Variants in GABRB1 observed in about 807,000 individuals in gnomAD.
GABRB1 encodes the protein gamma-aminobutyric acid receptor subunit beta-1.
In GABRB1, 17 loss-of-function variants were observed where a neutral mutation model predicts 51.6. The observed-to-expected ratio is 0.33, with a 90% CI of 0.23 to 0.49. The LOEUF (loss-of-function observed/expected upper bound fraction) is 0.49, where lower values mean the gene tolerates loss of function less well. GABRB1 is among the 20% of genes least tolerant of loss of function. The pLI, the probability that GABRB1 is intolerant of heterozygous loss-of-function variation, is 0.99. For missense variants in GABRB1, 410 were observed against 600.6 expected (o/e 0.68, Z 3.32); for synonymous variants, 247 against 218.9 (o/e 1.13, Z -1.14).
chr4:47,348,443 C>T (rs986205084), intron 5 of GABRB1, among the ~76,000 whole-genome samples: 1 of 152,042 alleles, frequency 6.6e-6, no homozygotes, highest in Non-Finnish European at 1.5e-5. Flanking sequence ...GTTTTATGCA[C>T]AAAATGATTT....
chr4:47,019,625 C>CTCTCTTTCTT (rs1274221477), intron 1 of GABRB1, among the ~76,000 whole-genome samples: 2 of 91,102 alleles, frequency 2.2e-5, no homozygotes, highest in South Asian at 4.3e-4. Flanking sequence ...TTCTTTCTCT[C>CTCTCTTTCTT]TCTTTCTTTC....
At chr4:47,001,357 T>C (rs539606535) in intron 1 of GABRB1, among the ~76,000 whole-genome samples, 47 of 152,204 alleles carry the variant, frequency 3.1e-4, no homozygotes, top group Middle Eastern at 3.4e-3. Flanking sequence ...TTAGCCAGGA[T>C]GGTCTGAATC....
chr4:47,210,598 A>T (rs1720315670), intron 4 of GABRB1, among the ~76,000 whole-genome samples: 1 of 152,190 alleles, frequency 6.6e-6, no homozygotes, highest in Non-Finnish European at 1.5e-5. Flanking sequence ...CAATTTCTGA[A>T]TAAATAAAAT....
chr4:47,239,523 G>A lies in GABRB1; in HGVS notation c.461+78054G>A, dbSNP rs563168558. Among the ~76,000 whole-genome samples the A allele has an allele frequency of 6.6e-5, 10 of 152,186 alleles. No individual in the cohort carries two copies. In the South Asian group the frequency reaches 8.3e-4, roughly 13 times the overall value. On this transcript the variant is annotated intron_variant, in intron 4 of 8. Transcript: ENST00000295454. Reference sequence around the variant, plus strand: ...GCAATGGGCTTGTCCAGTTGGCAACGGGCCCCATCATTTCTATATAGCCTC... The same window carrying A: ...GCAATGGGCTTGTCCAGTTGGCAACAGGCCCCATCATTTCTATATAGCCTC...
At chr4:47,355,435 T>C (rs567341917) in intron 5 of GABRB1, among the ~76,000 whole-genome samples, 4 of 152,314 alleles carry the variant, frequency 2.6e-5, no homozygotes, top group African/African-American at 9.6e-5. Context: ...TTTCCAGACC[T>C]TGATCATATC....
At chr4:47,096,894 G>T (rs369974394) in intron 3 of GABRB1, among the ~76,000 whole-genome samples, 59 of 152,256 alleles carry the variant, frequency 3.9e-4, no homozygotes, top group African/African-American at 1.4e-3. Flanking sequence ...AGCCCTGCAC[G>T]GGCCTTGATT....
At chr4:47,261,901 T>C (rs1345407911) in intron 4 of GABRB1, among the ~76,000 whole-genome samples, 4 of 152,034 alleles carry the variant, frequency 2.6e-5, no homozygotes, top group African/African-American at 9.7e-5. Context: ...TATCTACAAC[T>C]ATCTGATCTT....
At chr4:47,157,154 C>G (rs1012680514) in intron 3 of GABRB1, among the ~76,000 whole-genome samples, 2 of 151,790 alleles carry the variant, frequency 1.3e-5, no homozygotes, top group Non-Finnish European at 2.9e-5. Context: ...AAAGAATTCC[C>G]TATGGCCCAC....
chr4:47,391,000 AC>A (rs1291399071), intron 5 of GABRB1, among the ~76,000 whole-genome samples: 1 of 151,936 alleles, frequency 6.6e-6, no homozygotes, highest in Non-Finnish European at 1.5e-5. Context: ...ACATGGTGAA[AC>A]CCTGTCTCCA....
chr4:47,001,142 T>G lies in GABRB1; in HGVS notation c.-20+7216T>G, dbSNP rs13116714. 1.7e-3 allele frequency among the ~76,000 whole-genome samples: 252 copies of G among 152,282 alleles called. 7 individuals are homozygous for G. In the South Asian group the frequency reaches 0.05, roughly 30 times the overall value. On this transcript the variant is annotated intron_variant, in intron 1 of 3. Transcript: ENST00000513567. ...ATTTTAATTTAATTTTAGTTTTTTA[T>G]GTTTATTTTTTATTTTTTGAGATGG...
At chr4:47,265,702 G>C (rs933675429) in intron 4 of GABRB1, among the ~76,000 whole-genome samples, 1 of 152,208 alleles carries the variant, frequency 6.6e-6, no homozygotes, top group South Asian at 2.1e-4. Context: ...GTGATGTTGA[G>C]CATTTTTTCA....
intron 3 of GABRB1, among the ~76,000 whole-genome samples, chr4:47,106,730 C>T (rs138941717): frequency 3.7e-4 from 56 of 152,130 alleles, no homozygotes; most frequent in African/African-American, 1.2e-3. Flanking sequence ...TACTCAGAAG[C>T]CTCCCATCTC....
At chr4:47,163,666 G>A (rs1268651989) in intron 4 of GABRB1, among the ~76,000 whole-genome samples, 1 of 151,846 alleles carries the variant, frequency 6.6e-6, no homozygotes, top group Non-Finnish European at 1.5e-5. Flanking sequence ...TTACAAACCT[G>A]CACATGTACC....
At chr4:47,370,539 C>T (rs149561427) in intron 5 of GABRB1, among the ~76,000 whole-genome samples, 346 of 151,302 alleles carry the variant, frequency 2.3e-3, no homozygotes, top group African/African-American at 8.1e-3. Context: ...CTTTAGGCAA[C>T]ACGCAGAATA....
intron 3 of GABRB1, among the ~76,000 whole-genome samples, chr4:47,033,368 C>T (rs1725422295): frequency 6.6e-6 from 1 of 152,162 alleles, no homozygotes; most frequent in Non-Finnish European, 1.5e-5. Context: ...GTTCCGTCCA[C>T]TGTGTGTAGG....
chr4:47,225,566 G>A (rs914512338), intron 4 of GABRB1, among the ~76,000 whole-genome samples: 1 of 152,114 alleles, frequency 6.6e-6, no homozygotes, highest in Non-Finnish European at 1.5e-5. Flanking sequence ...AGGAAGGTAA[G>A]TAAATTGTGG....
intron 4 of GABRB1, among the ~76,000 whole-genome samples, chr4:47,189,234 T>C (rs1719326273): frequency 6.6e-6 from 1 of 151,774 alleles, no homozygotes; most frequent in African/African-American, 2.4e-5. Context: ...TTGGAAAGTT[T>C]TGGAGTGAAT....
At chr4:47,049,208 ATTTG>A (rs1487288852) in intron 3 of GABRB1, among the ~76,000 whole-genome samples, 3 of 152,152 alleles carry the variant, frequency 2.0e-5, no homozygotes, top group African/African-American at 4.8e-5. Flanking sequence ...AGCAAAGGCG[ATTTG>A]TTTGTTTGAG....
chr4:47,011,888 C>T (rs1270961758), intron 1 of GABRB1, among the ~76,000 whole-genome samples: 1 of 151,736 alleles, frequency 6.6e-6, no homozygotes, highest in Non-Finnish European at 1.5e-5. Flanking sequence ...AAAATATTTC[C>T]AAATACAGGA....
Sources: gnomAD v4.1 joint callset for allele counts (sites outside exome capture counted in the v4.1 genomes callset) on GRCh38, gnomAD v4.1.1 for gene constraint, MANE v1.5 for transcripts, NCBI Gene and HGNC (gene_info 2026-07-23, HGNC 2026-07-21) for gene names.